NOX4: variants seen among roughly 807,000 people sequenced by gnomAD.
The protein encoded by NOX4 is kidney oxidase-1.
In NOX4, 69 loss-of-function variants were observed where a neutral mutation model predicts 87.6. The observed-to-expected ratio is 0.79, with a 90% confidence interval of 0.65 to 0.96. NOX4 has a LOEUF of 0.96. Ranked by LOEUF, NOX4 falls within the 40% of genes least tolerant of loss-of-function variation. NOX4 has a pLI of 0.00. For synonymous variants in NOX4, 275 were observed against 238.2 expected (o/e 1.15, Z -1.42); for missense variants, 680 against 681.5 (o/e 1.00, Z 0.02).
intron 2 of NOX4, among the ~76,000 whole-genome samples, chr11:89,475,047 G>T (rs1946107058): frequency 6.6e-6 from 1 of 151,794 alleles, no homozygotes. Flanking sequence ...TATTTATTCA[G>T]TGAAATATTA....
intron 17 of NOX4, among the ~76,000 whole-genome samples, chr11:89,328,065 T>C (rs185913075): frequency 1.0e-3 from 159 of 152,234 alleles, no homozygotes; most frequent in African/African-American, 3.4e-3. Context: ...CCAGCAAAGA[T>C]TGGTGACTAC....
chr11:89,399,765 T>G (rs1225310664), intron 11 of NOX4, among the ~76,000 whole-genome samples: 1 of 151,778 alleles, frequency 6.6e-6, no homozygotes, highest in Admixed American at 6.6e-5. Flanking sequence ...GTGCTTGGCC[T>G]ATATTTTGAA....
chr11:89,511,019 T>G, the NOX4 span, among the ~76,000 whole-genome samples: 1 of 152,074 alleles, frequency 6.6e-6, no homozygotes, highest in East Asian at 1.9e-4. Context: ...GTAATTGCAT[T>G]ATTTTTTCTA....
At chr11:89,353,580 C>T (rs1937740566) in intron 13 of NOX4, among the ~76,000 whole-genome samples, 1 of 152,044 alleles carries the variant, frequency 6.6e-6, no homozygotes, top group African/African-American at 2.4e-5. Flanking sequence ...CAGTGAGAAA[C>T]TTAAAAAAAA....
chr11:89,418,222 A>C (rs1942886418), intron 8 of NOX4, among the ~76,000 whole-genome samples: 1 of 151,790 alleles, frequency 6.6e-6, no homozygotes, highest in East Asian at 1.9e-4. Context: ...ATCAGATCAC[A>C]TACTCCAAGA....
chr11:89,533,916 G>A, the NOX4 span: 1 of 152,228 alleles, frequency 6.6e-6, no homozygotes, highest in Non-Finnish European at 1.5e-5. Context: ...ATGCTTTGAA[G>A]TAGAGCATTG....
the NOX4 span, among the ~76,000 whole-genome samples, chr11:89,551,722 A>C: frequency 6.6e-6 from 1 of 152,060 alleles, no homozygotes; most frequent in Admixed American, 6.6e-5. Flanking sequence ...CTAAATATAC[A>C]ATCATGTCAT....
intron 12 of NOX4, among the ~76,000 whole-genome samples, chr11:89,367,701 C>T (rs1267083566): frequency 6.6e-6 from 1 of 151,926 alleles, no homozygotes; most frequent in Non-Finnish European, 1.5e-5. Context: ...GCAGGGTGAC[C>T]CATATAAAGG....
chr11:89,389,895 C>T (rs541732265), intron 11 of NOX4, among the ~76,000 whole-genome samples: 18 of 152,006 alleles, frequency 1.2e-4, no homozygotes, highest in African/African-American at 3.9e-4. Flanking sequence ...TCTGTGTCAC[C>T]GAGTTAACAA....
chr11:89,400,155 A>G, intron 10 of NOX4, 60 bp downstream of exon 10: 1 of 1,584,624 alleles, frequency 6.3e-7, no homozygotes, highest in Non-Finnish European at 8.6e-7. Context: ...TATGTTTGCT[A>G]AATTCCAAAA....
intron 16 of NOX4, 188 bp from the exon 17 acceptor site, chr11:89,336,133 A>T (rs1215975671): frequency 9.9e-6 from 4 of 405,766 alleles, no homozygotes; most frequent in Non-Finnish European, 1.8e-5. Context: ...TTTAAAATTC[A>T]TTATCTCCTT....
At chr11:89,422,315 A>G (rs553016248) in intron 7 of NOX4, among the ~76,000 whole-genome samples, 3 of 152,320 alleles carry the variant, frequency 2.0e-5, no homozygotes, top group African/African-American at 7.2e-5. Context: ...CTATTATTTT[A>G]TCAATATTCT....
upstream of NOX4, among the ~76,000 whole-genome samples, chr11:89,502,262 T>G (rs548773373): frequency 5.9e-5 from 9 of 152,166 alleles, 1 homozygote; most frequent in Admixed American, 3.9e-4. Context: ...CCCACGAGTC[T>G]TATCGGAACA....
At chr11:89,478,256 T>C (rs910580756) in intron 2 of NOX4, among the ~76,000 whole-genome samples, 5 of 152,210 alleles carry the variant, frequency 3.3e-5, no homozygotes, top group East Asian at 1.9e-4. Flanking sequence ...CAGGTTAACC[T>C]AAATTGTCAT....
At chr11:89,395,773 T>C (rs1941440601) in intron 11 of NOX4, among the ~76,000 whole-genome samples, 4 of 152,194 alleles carry the variant, frequency 2.6e-5, no homozygotes, top group Admixed American at 2.6e-4. Context: ...CCTTTCCCCA[T>C]TGCTTGTTTT....
At chr11:89,582,588 C>T in the NOX4 span, among the ~76,000 whole-genome samples, 5 of 152,178 alleles carry the variant, frequency 3.3e-5, no homozygotes, top group Admixed American at 2.0e-4. Flanking sequence ...TATACTAGAC[C>T]TGGTAACTGG....
rs1590951001 is a variant in NOX4, at chr11:89,336,030, C to G, written c.1516-85G>C. ...ATCATTTCTGCTGGTGCTGCGGCTT[C>G]CCACCAAATTGCTGTGATATAAAGA... On this transcript the variant is annotated intron_variant, in intron 16 of 17. Coordinates refer to ENST00000263317, the MANE Select transcript of NOX4 (RefSeq NM_016931.5). 9.2e-6 allele frequency: 7 copies of G among 756,770 alleles called. No individual in the cohort carries two copies. The Admixed American group carries it at 1.1e-4, about 12-fold the overall frequency. The allele number at this position is 756,770 out of a possible 1,614,324, so 46.9% of individuals were successfully genotyped here. A position where few individuals can be genotyped will look rare whatever the true frequency, so the allele number is the denominator to read the frequency against.
At chr11:89,570,306 GT>G in the NOX4 span, among the ~76,000 whole-genome samples, 1 of 152,132 alleles carries the variant, frequency 6.6e-6, no homozygotes, top group Non-Finnish European at 1.5e-5. Flanking sequence ...TAAATATTGA[GT>G]ATACATGGTT....
chr11:89,378,637 A>AAGAAAAATATAGG (rs1482999604), intron 11 of NOX4, among the ~76,000 whole-genome samples: 1 of 152,176 alleles, frequency 6.6e-6, no homozygotes, highest in Non-Finnish European at 1.5e-5. Flanking sequence ...TAAATACTGG[A>AAGAAAAATATAGG]AGAAAAATAT....
Sources: gnomAD v4.1 joint callset for allele counts (sites outside exome capture counted in the v4.1 genomes callset) on GRCh38, gnomAD v4.1.1 for gene constraint, MANE v1.5 for transcripts, NCBI Gene and HGNC (gene_info 2026-07-23, HGNC 2026-07-21) for gene names.